KIF24: variants seen among roughly 807,000 people sequenced by gnomAD.
KIF24 encodes the protein kinesin-like protein KIF24.
In KIF24, 81 loss-of-function variants were observed where a neutral mutation model predicts 118.9. The observed-to-expected ratio is 0.68, with a 90% CI of 0.57 to 0.82. The LOEUF (loss-of-function observed/expected upper bound fraction) is 0.82. Ranked by LOEUF, KIF24 falls within the 40% of genes least tolerant of loss-of-function variation. KIF24 has a pLI of 0.00. For missense variants in KIF24, 1,560 were observed against 1,661.6 expected (o/e 0.94, Z 1.06); for synonymous variants, 599 against 610.0 (o/e 0.98, Z 0.27).
At chr9:34,312,621 TG>T (rs1192452020) in intron 1 of KIF24, among the ~76,000 whole-genome samples, 4 of 152,190 alleles carry the variant, frequency 2.6e-5, no homozygotes, top group Non-Finnish European at 4.4e-5. Context: ...TAATTAGCTT[TG>T]GGGGAAATAC....
intron 3 of KIF24, among the ~76,000 whole-genome samples, chr9:34,299,394 C>T (rs796622222): frequency 6.6e-6 from 1 of 151,998 alleles, no homozygotes; most frequent in East Asian, 1.9e-4. Flanking sequence ...GTTGGCCAGG[C>T]TGGTCTCGAA....
At chr9:34,330,569 GA>G (rs1250998698), upstream of KIF24, among the ~76,000 whole-genome samples, 21 of 152,236 alleles carry the variant, frequency 1.4e-4, no homozygotes, top group African/African-American at 5.1e-4. Context: ...CTACTCTTCT[GA>G]AAAATGGCAG....
At chr9:34,312,646 A>G (rs552167851) in intron 1 of KIF24, among the ~76,000 whole-genome samples, 14 of 152,220 alleles carry the variant, frequency 9.2e-5, no homozygotes, top group Non-Finnish European at 1.8e-4. Context: ...TTAGGCTAAA[A>G]GGCTAAATGG....
chr9:34,272,362 AGGAG>A (rs955042091), intron 6 of KIF24, among the ~76,000 whole-genome samples: 1 of 152,250 alleles, frequency 6.6e-6, no homozygotes, highest in African/African-American at 2.4e-5. Context: ...GCAGTCATAA[AGGAG>A]GGCAGGCCCG....
chr9:34,263,861 C>T (rs2131683524), intron 8 of KIF24, among the ~76,000 whole-genome samples: 1 of 151,450 alleles, frequency 6.6e-6, no homozygotes, highest in South Asian at 2.1e-4. Context: ...ACAGCCAGCA[C>T]TTTGACCACA....
chr9:34,296,983 A>G, intron 4 of KIF24, 34 bp downstream of exon 4: 1 of 1,103,900 alleles, frequency 9.1e-7, no homozygotes. Context: ...AATAGAAAAT[A>G]AAAAGCAAAA....
At chr9:34,319,665 G>GTGCAC in intron 1 of KIF24, 1 of 803,222 alleles carries the variant, frequency 1.2e-6, no homozygotes, top group Non-Finnish European at 2.2e-6. Flanking sequence ...GGGCCTCAGG[G>GTGCAC]TGCACACAGG....
At chr9:34,306,757 G>A (rs534654618) in intron 2 of KIF24, among the ~76,000 whole-genome samples, 1 of 151,956 alleles carries the variant, frequency 6.6e-6, no homozygotes, top group South Asian at 2.1e-4. Flanking sequence ...AGCCGAGATT[G>A]CGCCACTGCA....
At chr9:34,309,072 C>A (rs1187473936) in intron 2 of KIF24, among the ~76,000 whole-genome samples, 1 of 150,650 alleles carries the variant, frequency 6.6e-6, no homozygotes, top group Non-Finnish European at 1.5e-5. Context: ...CAGAGCAAGA[C>A]CCTGTCTCTA....
chr9:34,287,558 G>A (rs1048113177), intron 5 of KIF24, among the ~76,000 whole-genome samples: 7 of 151,978 alleles, frequency 4.6e-5, no homozygotes, highest in Non-Finnish European at 7.4e-5. Context: ...GGTTAAGAAC[G>A]GAATTCCACT....
At chr9:34,277,475 A>C (rs1215944057) in intron 6 of KIF24, among the ~76,000 whole-genome samples, 1 of 152,160 alleles carries the variant, frequency 6.6e-6, no homozygotes, top group Non-Finnish European at 1.5e-5. Context: ...CTTCACAAGG[A>C]AACGTGGATA....
intron 1 of KIF24, among the ~76,000 whole-genome samples, chr9:34,311,613 TAA>T (rs1377025194): frequency 6.6e-6 from 1 of 151,302 alleles, no homozygotes; most frequent in African/African-American, 2.4e-5. Flanking sequence ...ATTTGCTTAA[TAA>T]AAAGAGACAT....
intron 6 of KIF24, among the ~76,000 whole-genome samples, chr9:34,278,779 C>T (rs776608650): frequency 2.0e-5 from 3 of 152,138 alleles, no homozygotes; most frequent in Non-Finnish European, 4.4e-5. Context: ...CTAGAGAGAA[C>T]ATATTACGTG....
chr9:34,317,792 A>C (rs919107588), intron 1 of KIF24, among the ~76,000 whole-genome samples: 2 of 152,192 alleles, frequency 1.3e-5, no homozygotes. Context: ...AAGAGTAGTA[A>C]TGTTGGCAAT....
chr9:34,288,486 TCAGAAA>T (rs1356280246), intron 5 of KIF24, among the ~76,000 whole-genome samples: 2 of 146,620 alleles, frequency 1.4e-5, no homozygotes, highest in Non-Finnish European at 3.0e-5. Context: ...ATACCTTGCC[TCAGAAA>T]AAGAAAAAAA....
At chr9:34,294,251 C>G (rs528384055) in intron 4 of KIF24, among the ~76,000 whole-genome samples, 1 of 152,174 alleles carries the variant, frequency 6.6e-6, no homozygotes, top group South Asian at 2.1e-4. Context: ...CTGTGCCCGA[C>G]TGACACTTTC....
chr9:34,270,287 C>T (rs1404483445), intron 7 of KIF24, among the ~76,000 whole-genome samples: 3 of 151,694 alleles, frequency 2.0e-5, no homozygotes, highest in Middle Eastern at 3.4e-3. Context: ...GAGGCTGAGG[C>T]GGGCGGATCA....
In KIF24 at chr9:34,254,455, A is replaced by G; in HGVS notation, c.4032T>C (p.Ser1344=). 6.2e-7 allele frequency: 1 copy of G among 1,613,738 alleles called. No individual in the cohort carries two copies. Among genetic ancestry groups the G allele is most frequent in the Non-Finnish European group, 8.5e-7 (1 of 1,179,790 alleles). ...GATAGAGCTGCAGCTGGCTCCTCAG[A>G]CTCTGGATACACTTGGATTTCAGAA... is the stretch of plus-strand genomic sequence containing the variant. ...IMVLKSKCIQ[S]LRSQLQLYLT... is the part of the protein sequence containing the mutation. The change falls in exon 13 of 13, where the codon AGT becomes AGC. Residue 1344 remains serine (S), a synonymous_variant. Coordinates refer to ENST00000402558, the MANE Select transcript of KIF24 (RefSeq NM_194313.4).
In KIF24 at chr9:34,297,065, T is replaced by C. The variant is rs761975377; in HGVS notation, c.863A>G (p.Asp288Gly). ...EVFGEACTNQ[D>G]VYMKTTHPLI... ...TGGGTGAGTAGTCTTCATGTATACATCCTGATTGGTGCACGCCTCACCAAA... is the reference window on the plus strand; with the variant it reads ...TGGGTGAGTAGTCTTCATGTATACACCCTGATTGGTGCACGCCTCACCAAA... Residue 288 changes from aspartate (D) to glycine (G), a missense_variant, in exon 4 of 13, where the codon GAT becomes GGT. By Grantham distance (94) the Asp-to-Gly change is moderately conservative (BLOSUM62 -1). Coordinates refer to ENST00000402558, the MANE Select transcript of KIF24 (RefSeq NM_194313.4). 6.3e-7 allele frequency: 1 copy of C among 1,598,706 alleles called. No individual in the cohort carries two copies. Among genetic ancestry groups the C allele is most frequent in the South Asian group, 1.1e-5 (1 of 88,582 alleles).
Sources: allele counts gnomAD v4.1 joint callset (sites outside exome capture counted in the v4.1 genomes callset), GRCh38; gene constraint gnomAD v4.1.1; transcripts MANE v1.5; gene names NCBI Gene and HGNC (gene_info 2026-07-23, HGNC 2026-07-21).